Variants in SCO2 observed in about 807,000 individuals in gnomAD.
SCO2 encodes synthesis of cytochrome C oxidase 2, also known as cytochrome c oxidase assembly factor SCO2.
For missense variants in SCO2, 429 were observed against 348.7 expected (o/e 1.23, Z -1.83); for synonymous variants, 195 against 148.6 (o/e 1.31, Z -2.27).
rs748495941 is a variant in SCO2, at chr22:50,524,665, CCCTGCA to C, written c.-13-247_-13-242del. ...ATCACCAGCCTGTCACCGCACCCTG[CCCTGCA>C]CCTGCACCTCAGCAAGGTGAACCTC... On this transcript the variant is annotated intron_variant, in intron 1 of 1. Transcript: ENST00000395693. The C allele has an allele frequency of 4.1e-5, 28 of 688,710 alleles. 1 individual carries two copies. Among genetic ancestry groups the C allele is most frequent in the Middle Eastern group, 2.3e-4 (1 of 4,294 alleles). The allele number at this position is 688,710 out of a possible 1,614,324, so 42.7% of individuals were successfully genotyped here. A position where few individuals can be genotyped will look rare whatever the true frequency, so the allele number is the denominator to read the frequency against.
At chr22:50,524,477 C>T (rs184065629) in intron 1 of SCO2, 53 bp from the exon 2 acceptor site, 9 of 1,544,702 alleles carry the variant, frequency 5.8e-6, no homozygotes, top group Non-Finnish European at 7.1e-6. Context: ...AGGACAGTGC[C>T]TGGGCTGCCC....
At position 50,524,179 on chromosome 22, in the gene SCO2, A is replaced by T. The variant is rs911274422; in HGVS notation, c.233T>A (p.Leu78Gln). The change falls in exon 2 of 2, where the codon CTG becomes CAG. Residue 78 changes from leucine to glutamine, a missense_variant. By Grantham distance (113) the Leu-to-Gln change is moderately radical. Transcript: ENST00000395693. Reference sequence around the variant, plus strand: ...CTGCAGCCTCTCCTTCTCAGCCCTCAGGGCCAGCCAGGCCCCACCGAGTCC... The same window carrying T: ...CTGCAGCCTCTCCTTCTCAGCCCTCTGGGCCAGCCAGGCCCCACCGAGTCC... ...GAGLGGAWLA[L>Q]RAEKERLQQQ... is the part of the protein sequence containing the mutation. The T allele has an allele frequency of 6.2e-7, 1 of 1,609,156 alleles. No homozygotes were observed. Among genetic ancestry groups the T allele is most frequent in the Admixed American group, 1.7e-5 (1 of 59,994 alleles).
intron 1 of SCO2, chr22:50,524,693 C>T (rs2069256012): frequency 6.1e-6 from 4 of 659,842 alleles, no homozygotes; most frequent in Non-Finnish European, 1.1e-5. Flanking sequence ...GCAAGGTGAA[C>T]CTCTTGCTGA....
Position 50,523,848 on chromosome 22 carries a change from C to G in SCO2, c.564G>C (p.Leu188=). Residue 188 remains leucine, a synonymous_variant, in exon 2 of 2, where the codon CTG becomes CTC. Transcript: ENST00000395693. ...ARYVQDFHPR[L]LGLTGSTKQV... ...GTTTGGTGGAGCCGGTCAGACCCAACAGTCTTGGGTGGAAGTCCTGGACGT... is the reference window on the plus strand; with the variant it reads ...GTTTGGTGGAGCCGGTCAGACCCAAGAGTCTTGGGTGGAAGTCCTGGACGT... 1 of 1,614,014 alleles carries G rather than the reference C, an allele frequency of 6.2e-7. No individual in the cohort carries two copies. The highest frequency in any genetic ancestry group is 8.5e-7 in the Non-Finnish European group (1 of 1,180,012).
chr22:50,524,117 C>A lies in SCO2; in HGVS notation c.295G>T (p.Val99Leu), dbSNP rs781319376. Residue 99 changes from valine to leucine, a missense_variant, in exon 2 of 2, where the codon GTG (valine) becomes TTG (leucine). Physicochemically the swap from Val to Leu is conservative, Grantham distance 32 (BLOSUM62 1). Transcript: ENST00000395693. The part of the protein sequence containing the change: ...KRTEALRQAA[V>L]GQGDFHLLDH... Reference sequence around the variant, plus strand: ...AGCAGGTGGAAGTCGCCCTGGCCCACAGCTGCCTGGCGCAGGGCTTCTGTT... The same window carrying A: ...AGCAGGTGGAAGTCGCCCTGGCCCAAAGCTGCCTGGCGCAGGGCTTCTGTT... 2 of 1,612,848 alleles carry A rather than the reference C, an allele frequency of 1.2e-6. No homozygotes were observed. The highest frequency in any genetic ancestry group is 4.5e-5 in the East Asian group (2 of 44,884).
Position 50,523,632 on chromosome 22 carries a change from A to G in SCO2, c.780T>C (p.Ala260=), listed in dbSNP as rs1569521436. ...ISDSVRRHMA[A]FRSVLS ...TGGCTCAAGACAGGACACTGCGGAA[A>G]GCCGCCATGTGCCGCCGCACACTGT... is the stretch of plus-strand genomic sequence containing the variant. The change falls in exon 2 of 2, where the codon GCT becomes GCC. Residue 260 remains alanine (A), a synonymous_variant. Coordinates refer to ENST00000395693, the MANE Select transcript of SCO2 (RefSeq NM_005138.3). 1.2e-6 allele frequency: 2 copies of G among 1,613,708 alleles called. No individual in the cohort carries two copies. Among genetic ancestry groups the G allele is most frequent in the East Asian group, 4.5e-5 (2 of 44,878 alleles).
Position 50,523,895 on chromosome 22 carries a change from C to T in SCO2, c.517G>A (p.Asp173Asn), listed in dbSNP as rs773221448. 3.5e-5 allele frequency: 57 copies of T among 1,613,712 alleles called. No homozygotes were observed. Among genetic ancestry groups the T allele is most frequent in the African/African-American group, 1.2e-4 (9 of 74,926 alleles). ...VFITVDPERD[D>N]VEAMARYVQD... is the part of the protein sequence containing the mutation. ...ACGTAGCGGGCCATGGCTTCAACGTCGTCCCGCTCGGGGTCCACAGTGATG... is the reference window on the plus strand; with the variant it reads ...ACGTAGCGGGCCATGGCTTCAACGTTGTCCCGCTCGGGGTCCACAGTGATG... The change falls in exon 2 of 2, where the codon GAC becomes AAC. Residue 173 changes from aspartate to asparagine, a missense_variant. Coordinates refer to ENST00000395693, the MANE Select transcript of SCO2 (RefSeq NM_005138.3).
Position 50,523,827 on chromosome 22 carries a change from G to C in SCO2, c.585C>G (p.Thr195=), listed in dbSNP as rs2069197551. 1 of 1,614,088 alleles carries C rather than the reference G, an allele frequency of 6.2e-7. No homozygotes were observed. The highest frequency in any genetic ancestry group is 8.5e-7 in the Non-Finnish European group (1 of 1,180,034). The change falls in exon 2 of 2, where the codon ACC becomes ACG. Residue 195 remains threonine, a synonymous_variant. Transcript: ENST00000395693. The part of the protein sequence containing the change: ...HPRLLGLTGS[T]KQVAQASHSY... ...TGTGACTAGCCTGGGCAACCTGTTT[G>C]GTGGAGCCGGTCAGACCCAACAGTC...
rs1345472396 is a variant in SCO2 at position 50,524,055 on chromosome 22, G to A, written c.357C>T (p.Phe119=). The change falls in exon 2 of 2, where the codon TTC becomes TTT. Residue 119 remains phenylalanine (F), a synonymous_variant. Transcript: ENST00000395693. The part of the protein sequence containing the change: ...HRGRARCKAD[F]RGQWVLMYFG... ...AGTACATCAGCACCCACTGGCCCCG[G>A]AAGTCAGCCTTGCAGCGAGCCCGGC... The A allele has an allele frequency of 1.2e-6, 2 of 1,613,282 alleles. No homozygotes were observed. Among genetic ancestry groups the A allele is most frequent in the Admixed American group, 3.3e-5 (2 of 59,998 alleles).
At chr22:50,526,130 G>C, upstream of SCO2, 6 of 1,487,616 alleles carry the variant, frequency 4.0e-6, no homozygotes, top group African/African-American at 1.5e-5. Context: ...GCCCGGACCA[G>C]CTCCACGGTG....
chr22:50,523,862 A>G lies in SCO2; in HGVS notation c.550T>C (p.Phe184Leu). ...GTCAGACCCAACAGTCTTGGGTGGA[A>G]GTCCTGGACGTAGCGGGCCATGGCT... ...VEAMARYVQD[F>L]HPRLLGLTGS... is the part of the protein sequence containing the mutation. The change falls in exon 2 of 2, where the codon TTC (phenylalanine) becomes CTC (leucine). Residue 184 changes from phenylalanine (F) to leucine (L), a missense_variant. By Grantham distance (22) the Phe-to-Leu change is conservative. Coordinates refer to ENST00000395693, the MANE Select transcript of SCO2 (RefSeq NM_005138.3). 1 of 1,613,974 alleles carries G rather than the reference A, an allele frequency of 6.2e-7. No individual in the cohort carries two copies. Among genetic ancestry groups the G allele is most frequent in the Non-Finnish European group, 8.5e-7 (1 of 1,180,024 alleles).
upstream of SCO2, chr22:50,525,773 T>G (rs771864603): frequency 6.2e-7 from 1 of 1,610,704 alleles, no homozygotes; most frequent in African/African-American, 1.3e-5. Flanking sequence ...AGGAGCTTTA[T>G]TGCTGCGGCG....
rs61748568 is a variant in SCO2 at position 50,524,211 on chromosome 22, G to C, written c.201C>G (p.Phe67Leu). ...GCCAGGCCCCACCGAGTCCAGCCCC[G>C]AACAGGCCTGTGATCAGCAGCCGGG... is the stretch of plus-strand genomic sequence containing the variant. Reference protein sequence around the residue: ...LRTRLLITGLFGAGLGGAWLA... With the variant: ...LRTRLLITGLLGAGLGGAWLA... Residue 67 changes from phenylalanine to leucine, a missense_variant, in exon 2 of 2, where the codon TTC becomes TTG. Coordinates refer to ENST00000395693, the MANE Select transcript of SCO2 (RefSeq NM_005138.3). 2 of 1,608,210 alleles carry C rather than the reference G, an allele frequency of 1.2e-6. No homozygotes were observed. The highest frequency in any genetic ancestry group is 3.3e-5 in the Admixed American group (2 of 60,020).
Position 50,523,738 on chromosome 22 carries a change from G to C in SCO2, c.674C>G (p.Ser225Cys), listed in dbSNP as rs80358232. 6.2e-7 allele frequency: 1 copy of C among 1,614,078 alleles called. No individual in the cohort carries two copies. The highest frequency in any genetic ancestry group is 1.7e-5 in the Admixed American group (1 of 60,008). ...DEDQDYIVDH[S>C]IAIYLLNPDG... is the part of the protein sequence containing the mutation. ...AGGGTTGAGCAGGTAGATGGCAATG[G>C]AGTGGTCCACGATGTAGTCCTGGTC... The change falls in exon 2 of 2, where the codon TCC becomes TGC. Residue 225 changes from serine to cysteine, a missense_variant. By Grantham distance (112) the Ser-to-Cys change is moderately radical. Coordinates refer to ENST00000395693, the MANE Select transcript of SCO2 (RefSeq NM_005138.3).
At position 50,524,303 on chromosome 22, in the gene SCO2, G is replaced by C; in HGVS notation, c.109C>G (p.Leu37Val). 1.9e-6 allele frequency: 3 copies of C among 1,602,648 alleles called. No homozygotes were observed. The highest frequency in any genetic ancestry group is 2.5e-6 in the Non-Finnish European group (3 of 1,179,866). ...GGQALHLRSW[L>V]LSRQGPAETG... ...TCTGCAGGGCCCTGCCTTGACAAAA[G>C]CCAGGACCTCAGATGCAGGGCCTGG... Residue 37 changes from leucine to valine, a missense_variant, in exon 2 of 2, where the codon CTT becomes GTT. Transcript: ENST00000395693.
upstream of SCO2, chr22:50,526,381 G>C: frequency 6.5e-7 from 1 of 1,529,152 alleles, no homozygotes; most frequent in Admixed American, 2.0e-5. Flanking sequence ...CGCTCGAAGC[G>C]GCCAAGGGCC....
intron 1 of SCO2, among the ~76,000 whole-genome samples, chr22:50,524,931 CGCCGGCTGTGTTTA>C (rs2069271675): frequency 6.6e-6 from 1 of 151,990 alleles, no homozygotes; most frequent in African/African-American, 2.4e-5. Flanking sequence ...AGACTCTGCC[CGCCGGCTGTGTTTA>C]ACCTCTCCTG....
Position 50,524,214 on chromosome 22 carries a change from C to G in SCO2, c.198G>C (p.Leu66=), listed in dbSNP as rs901201957. The G allele has an allele frequency of 1.2e-6, 2 of 1,608,382 alleles. No homozygotes were observed. The highest frequency in any genetic ancestry group is 1.7e-6 in the Non-Finnish European group (2 of 1,179,934). ...GLRTRLLITG[L]FGAGLGGAWL... is the part of the protein sequence containing the mutation. The stretch of plus-strand genomic sequence containing the variant: ...AGGCCCCACCGAGTCCAGCCCCGAA[C>G]AGGCCTGTGATCAGCAGCCGGGTTC... The change falls in exon 2 of 2, where the codon CTG becomes CTC. Residue 66 remains leucine, a synonymous_variant. Transcript: ENST00000395693.
intron 1 of SCO2, 166 bp downstream of exon 1, chr22:50,525,306 G>T (rs1168198680): frequency 8.5e-6 from 2 of 235,372 alleles, no homozygotes; most frequent in Non-Finnish European, 1.7e-5. Context: ...GAGAACACCG[G>T]TGCCTGCTGG....
Sources: allele counts gnomAD v4.1 joint callset (sites outside exome capture counted in the v4.1 genomes callset), GRCh38; gene constraint gnomAD v4.1.1; transcripts MANE v1.5; gene names NCBI Gene and HGNC (gene_info 2026-07-23, HGNC 2026-07-21).